The following TRPM3 variants were observed in gnomAD, a reference collection of about 807,000 sequenced individuals.
TRPM3 encodes the protein transient receptor potential cation channel subfamily M member 3, also known as long transient receptor potential channel 3.
TRPM3 carries 77 observed loss-of-function variants against 181.2 expected under a neutral mutation model. The observed-to-expected ratio is 0.42, with a 90% CI of 0.35 to 0.51. TRPM3 has a LOEUF of 0.51. Among genes scored for constraint, TRPM3 ranks in the 20% least tolerant of loss-of-function variants. TRPM3 has a pLI of 0.01. For missense variants in TRPM3, 1,759 were observed against 2,196.7 expected (o/e 0.80, Z 3.98); for synonymous variants, 745 against 796.4 (o/e 0.94, Z 1.09).
chr9:70,669,500 C>T (rs989635950), intron 9 of TRPM3, among the ~76,000 whole-genome samples: 6 of 152,082 alleles, frequency 3.9e-5, no homozygotes, highest in Non-Finnish European at 8.8e-5. Flanking sequence ...CACTTACTAC[C>T]TATATTAAAG....
intron 1 of TRPM3, among the ~76,000 whole-genome samples, chr9:70,882,259 T>A (rs773059020): frequency 4.6e-5 from 7 of 151,964 alleles, no homozygotes; most frequent in Non-Finnish European, 1.0e-4. Context: ...AGAGAAAGAG[T>A]CTTTATCCTT....
chr9:70,564,123 A>G (rs1588472217), intron 22 of TRPM3, among the ~76,000 whole-genome samples: 1 of 152,302 alleles, frequency 6.6e-6, no homozygotes, highest in East Asian at 1.9e-4. Flanking sequence ...AAGAATGGAA[A>G]TAATTGTGTT....
intron 9 of TRPM3, among the ~76,000 whole-genome samples, chr9:70,650,108 A>G (rs2133770923): frequency 6.6e-6 from 1 of 152,300 alleles, no homozygotes; most frequent in South Asian, 2.1e-4. Flanking sequence ...CTAAACATTG[A>G]GTACACATGG....
intron 11 of TRPM3, 107 bp downstream of exon 11, chr9:70,638,953 T>C (rs1421660319): frequency 4.5e-5 from 57 of 1,262,636 alleles, no homozygotes; most frequent in Admixed American, 6.2e-5. Flanking sequence ...GAATGAACCA[T>C]GCATTTGGAC....
intron 1 of TRPM3, among the ~76,000 whole-genome samples, chr9:70,936,182 A>C (rs148469596): frequency 4.1e-4 from 63 of 152,364 alleles, no homozygotes; most frequent in African/African-American, 1.4e-3. Context: ...ATGTACTGTA[A>C]GTTTAATAAA....
At chr9:71,304,495 T>C (rs939264481) in intron 1 of TRPM3, among the ~76,000 whole-genome samples, 1 of 152,190 alleles carries the variant, frequency 6.6e-6, no homozygotes, top group Non-Finnish European at 1.5e-5. Context: ...AATTAAGGTT[T>C]ACAAATATCA....
chr9:70,629,215 C>CGGGTGGCCGG (rs2065250202), intron 12 of TRPM3, among the ~76,000 whole-genome samples: 1 of 10,162 alleles, frequency 9.8e-5, no homozygotes, highest in African/African-American at 2.1e-4. Context: ...TGACCAGTGC[C>CGGGTGGCCGG]GGGGGGGGGG....
intron 1 of TRPM3, among the ~76,000 whole-genome samples, chr9:71,046,991 C>T (rs2059513333): frequency 1.3e-5 from 2 of 152,146 alleles, no homozygotes; most frequent in East Asian, 1.9e-4. Flanking sequence ...AATAGTCTTA[C>T]CTTTGTAATC....
At chr9:70,956,957 CTTTCTTT>C (rs902215952) in intron 1 of TRPM3, among the ~76,000 whole-genome samples, 1 of 76,206 alleles carries the variant, frequency 1.3e-5, no homozygotes, top group African/African-American at 6.4e-5. Context: ...ACATTTCTTT[CTTTCTTT>C]TTTTTTTTTT....
At chr9:70,989,546 GT>G (rs1157986735) in intron 1 of TRPM3, among the ~76,000 whole-genome samples, 1 of 152,104 alleles carries the variant, frequency 6.6e-6, no homozygotes, top group East Asian at 1.9e-4. Flanking sequence ...TTGACTTTTC[GT>G]TTTCTTAGTC....
At chr9:71,131,596 T>TA (rs1264210364) in intron 1 of TRPM3, among the ~76,000 whole-genome samples, 1 of 152,172 alleles carries the variant, frequency 6.6e-6, no homozygotes, top group Non-Finnish European at 1.5e-5. Context: ...TTGCAAGTCA[T>TA]TTAGCATTCC....
intron 1 of TRPM3, among the ~76,000 whole-genome samples, chr9:71,044,987 G>A (rs1447042593): frequency 1.3e-5 from 2 of 152,054 alleles, no homozygotes; most frequent in African/African-American, 2.4e-5. Flanking sequence ...AGACTTAACT[G>A]TTATTGCTCT....
chr9:70,823,280 C>T (rs935218749), intron 6 of TRPM3, among the ~76,000 whole-genome samples: 1 of 152,194 alleles, frequency 6.6e-6, no homozygotes, highest in Non-Finnish European at 1.5e-5. Context: ...TTTAATCTTG[C>T]TCTCTACCTC....
chr9:71,081,678 C>T (rs148967329), intron 1 of TRPM3, among the ~76,000 whole-genome samples: 1 of 152,258 alleles, frequency 6.6e-6, no homozygotes, highest in African/African-American at 2.4e-5. Flanking sequence ...ATTACACACA[C>T]ACATACACAC....
intron 1 of TRPM3, among the ~76,000 whole-genome samples, chr9:70,956,769 C>T (rs1448326965): frequency 2.6e-5 from 4 of 151,654 alleles, no homozygotes; most frequent in African/African-American, 9.7e-5. Context: ...ATCTATAGCC[C>T]CAGCTGCTAG....
chr9:70,785,435 C>T (rs1463092344), intron 6 of TRPM3, among the ~76,000 whole-genome samples: 1 of 152,088 alleles, frequency 6.6e-6, no homozygotes, highest in Non-Finnish European at 1.5e-5. Flanking sequence ...TCTCTGCTGC[C>T]TCAGAATAAT....
At chr9:71,249,121 C>T (rs190295979) in intron 1 of TRPM3, among the ~76,000 whole-genome samples, 2 of 152,304 alleles carry the variant, frequency 1.3e-5, no homozygotes, top group Admixed American at 1.3e-4. Flanking sequence ...TCTGGAGGAT[C>T]TTTAAAATGC....
intron 1 of TRPM3, among the ~76,000 whole-genome samples, chr9:71,349,261 T>C (rs1489701001): frequency 6.6e-6 from 1 of 152,198 alleles, no homozygotes; most frequent in Non-Finnish European, 1.5e-5. Flanking sequence ...TAAATCAGTC[T>C]TTGACTGAGA....
chr9:70,669,726 C>CT (rs758338375), intron 9 of TRPM3, among the ~76,000 whole-genome samples: 5 of 145,084 alleles, frequency 3.4e-5, no homozygotes, highest in African/African-American at 1.1e-4. Context: ...CTTTTCTTTT[C>CT]TTTCTTTCTT....
Sources: gnomAD v4.1 joint callset for allele counts (sites outside exome capture counted in the v4.1 genomes callset) on GRCh38, gnomAD v4.1.1 for gene constraint, MANE v1.5 for transcripts, NCBI Gene and HGNC (gene_info 2026-07-23, HGNC 2026-07-21) for gene names.